The following SMAD2 variants were observed in gnomAD, a reference collection of about 807,000 sequenced individuals.
SMAD2 encodes the protein SMAD family member 2, also known as MAD homolog 2.
A neutral mutation model predicts 64.4 loss-of-function variants in SMAD2; 8 were observed. That is an observed-to-expected ratio of 0.12 (90% confidence interval 0.07 to 0.22). SMAD2 has a LOEUF of 0.22. Ranked by LOEUF, SMAD2 falls within the 10% of genes least tolerant of loss-of-function variation. The pLI is 1.00. For missense variants in SMAD2, 289 were observed against 561.2 expected, an observed-to-expected ratio of 0.51 and a Z score of 4.90; for synonymous variants, 203 against 195.8, an observed-to-expected ratio of 1.04 and a Z score of -0.31.
chr18:47,870,573 A>T lies in SMAD2; in HGVS notation c.237-9T>A. 1 of 1,598,822 alleles carries T rather than the reference A, an allele frequency of 6.3e-7. No homozygotes were observed. Among genetic ancestry groups the T allele is most frequent in the Non-Finnish European group, 8.6e-7 (1 of 1,166,206 alleles). ...AAATTTCAGAGCAAGTGCTGTGCAT[A>T]AATTGAAAAACAAAAAATTGATGTG... is the stretch of plus-strand genomic sequence containing the variant. On this transcript the variant is annotated splice_polypyrimidine_tract_variant and intron_variant, in intron 2 of 10. Coordinates refer to ENST00000262160, the MANE Select transcript of SMAD2 (RefSeq NM_005901.6).
Position 47,815,319 on chromosome 18 carries a change from G to A in SMAD2, c.*26508C>T, listed in dbSNP as rs1169807790. On this transcript the variant is annotated 3_prime_UTR_variant, in exon 11 of 11. Transcript: ENST00000262160. ...GAAATTGATGTGAAATGAAGGAACT[G>A]TAACTTCTTTTCTGCATGATCTGAG... is the stretch of plus-strand genomic sequence containing the variant. The A allele has an allele frequency of 2.0e-5, 3 of 152,212 alleles. No individual in the cohort carries two copies. The highest frequency in any genetic ancestry group is 4.4e-5 in the Non-Finnish European group (3 of 68,044). The allele number at this position is 152,212 out of a possible 1,614,324, so 9.4% of individuals were successfully genotyped here.
At chr18:47,906,356 A>G (rs2033903401) in intron 1 of SMAD2, among the ~76,000 whole-genome samples, 1 of 152,178 alleles carries the variant, frequency 6.6e-6, no homozygotes, top group African/African-American at 2.4e-5. Flanking sequence ...TGTGTATGTA[A>G]CATAAACCAA....
rs921831318 is a variant in SMAD2 at position 47,813,042 on chromosome 18, C to G, written c.*28785G>C. The G allele has an allele frequency of 2.0e-5, 3 of 152,038 alleles. No homozygotes were observed. Among genetic ancestry groups the G allele is most frequent in the African/African-American group, 7.2e-5 (3 of 41,386 alleles). 9.4% of individuals were successfully genotyped at this position (152,038 alleles called of 1,614,324 possible). ...ACCAGCCTGGCCAACATAGTGAAAC[C>G]CTGTCTCTACCAAAAATACAAAAAT... On this transcript the variant is annotated 3_prime_UTR_variant, in exon 11 of 11. Coordinates refer to ENST00000262160, the MANE Select transcript of SMAD2 (RefSeq NM_005901.6).
At chr18:47,900,336 A>G (rs1166095865) in intron 1 of SMAD2, among the ~76,000 whole-genome samples, 1 of 152,138 alleles carries the variant, frequency 6.6e-6, no homozygotes, top group Non-Finnish European at 1.5e-5. Context: ...CTGCCTACCC[A>G]TATTGAATGA....
At chr18:47,858,340 CATAT>C (rs1269497749) in intron 6 of SMAD2, among the ~76,000 whole-genome samples, 5 of 152,110 alleles carry the variant, frequency 3.3e-5, no homozygotes, top group Non-Finnish European at 5.9e-5. Flanking sequence ...GGGTCACATA[CATAT>C]TATCACTTGA....
intron 10 of SMAD2, 128 bp downstream of exon 10, chr18:47,845,212 T>A (rs1373865069): frequency 1.0e-6 from 1 of 1,003,540 alleles, no homozygotes; most frequent in South Asian, 1.3e-5. Flanking sequence ...CCAACTTTAT[T>A]TTACATAAAG....
rs1380754201 is a variant in SMAD2 at position 47,819,180 on chromosome 18, G to A, written c.*22647C>T. 6.6e-6 allele frequency: 1 copy of A among 152,080 alleles called. No homozygotes were observed. The highest frequency in any genetic ancestry group is 2.4e-5 in the African/African-American group (1 of 41,402). The allele number at this position is 152,080 out of a possible 1,614,324, so 9.4% of individuals were successfully genotyped here. On this transcript the variant is annotated 3_prime_UTR_variant, in exon 11 of 11. Coordinates refer to ENST00000262160, the MANE Select transcript of SMAD2 (RefSeq NM_005901.6). ...TGATAAGCTGGTTTTAAAATAATTG[G>A]TAAATCAAAAATAAGTGTCTTTAAA...
intron 1 of SMAD2, among the ~76,000 whole-genome samples, chr18:47,926,463 ATC>A (rs1190236184): frequency 6.6e-6 from 1 of 152,028 alleles, no homozygotes; most frequent in East Asian, 1.9e-4. Flanking sequence ...CCGAGCTGTT[ATC>A]TGTTTTTTCT....
At chr18:47,866,809 T>C (rs1393177611) in intron 5 of SMAD2, 3 of 152,188 alleles carry the variant, frequency 2.0e-5, no homozygotes, top group African/African-American at 7.2e-5. Flanking sequence ...CAAATGGGTA[T>C]AATCCACTTC....
At position 47,840,919 on chromosome 18, in the gene SMAD2, T is replaced by C. The variant is rs1158200524; in HGVS notation, c.*908A>G. The C allele has an allele frequency of 8.6e-6, 2 of 232,424 alleles. No homozygotes were observed. Among genetic ancestry groups the C allele is most frequent in the African/African-American group, 2.2e-5 (1 of 45,304 alleles). The allele number at this position is 232,424 out of a possible 1,614,324, so 14.4% of individuals were successfully genotyped here. On this transcript the variant is annotated 3_prime_UTR_variant, in exon 11 of 11. Coordinates refer to ENST00000262160, the MANE Select transcript of SMAD2 (RefSeq NM_005901.6). ...GATAAATCAACAGACTGCTAGATTA[T>C]ACAAGCCAATTATTCCTGTTGAAAT...
At chr18:47,898,686 T>C (rs2033550336) in intron 1 of SMAD2, among the ~76,000 whole-genome samples, 1 of 152,124 alleles carries the variant, frequency 6.6e-6, no homozygotes, top group Admixed American at 6.6e-5. Context: ...TATTCCCTCT[T>C]CTCAGGATGG....
At chr18:47,877,836 A>G (rs1255338639) in intron 2 of SMAD2, among the ~76,000 whole-genome samples, 1 of 152,210 alleles carries the variant, frequency 6.6e-6, no homozygotes, top group Non-Finnish European at 1.5e-5. Flanking sequence ...AATTGAAAAT[A>G]TAAAAGAAAT....
chr18:47,816,504 A>G lies in SMAD2; in HGVS notation c.*25323T>C, dbSNP rs1350584790. ...TTGGCACATTTAATACACGTCCAAT[A>G]TATTTTCTATGTACTGTGAAAGCTT... On this transcript the variant is annotated 3_prime_UTR_variant, in exon 11 of 11. Transcript: ENST00000262160. 1 of 152,200 alleles carries G rather than the reference A, an allele frequency of 6.6e-6. No homozygotes were observed. The highest frequency in any genetic ancestry group is 1.5e-5 in the Non-Finnish European group (1 of 68,044). The allele number at this position is 152,200 out of a possible 1,614,324, so 9.4% of individuals were successfully genotyped here.
At chr18:47,906,679 T>C (rs570010209) in intron 1 of SMAD2, among the ~76,000 whole-genome samples, 16 of 152,220 alleles carry the variant, frequency 1.1e-4, no homozygotes, top group Non-Finnish European at 2.1e-4. Context: ...GTCACAGTGT[T>C]GGCAGGACTG....
chr18:47,899,285 C>A (rs17741998), intron 1 of SMAD2, among the ~76,000 whole-genome samples: 83,192 of 151,820 alleles, frequency 0.55, 23,239 homozygotes, highest in East Asian at 0.82. Context: ...GAAGGAGGTG[C>A]CCGATAAGCA....
At chr18:47,925,896 C>T (rs910578005) in intron 1 of SMAD2, among the ~76,000 whole-genome samples, 1 of 152,142 alleles carries the variant, frequency 6.6e-6, no homozygotes, top group African/African-American at 2.4e-5. Flanking sequence ...AGTCAAGAAA[C>T]CCTCAACAGA....
At chr18:47,929,881 CAAGT>C (rs778957560) in intron 1 of SMAD2, among the ~76,000 whole-genome samples, 1 of 151,952 alleles carries the variant, frequency 6.6e-6, no homozygotes, top group Non-Finnish European at 1.5e-5. Flanking sequence ...ACAACTTTCA[CAAGT>C]GAGTGAAGGA....
At chr18:47,924,358 C>G in intron 1 of SMAD2, among the ~76,000 whole-genome samples, 1 of 151,980 alleles carries the variant, frequency 6.6e-6, no homozygotes. Flanking sequence ...ATAGTTCACT[C>G]AAGTCAAGGC....
chr18:47,902,142 T>A (rs1265102257), intron 1 of SMAD2, among the ~76,000 whole-genome samples: 1 of 152,180 alleles, frequency 6.6e-6, no homozygotes, highest in Admixed American at 6.5e-5. Flanking sequence ...ATATTTCCAA[T>A]CTGCCACTCA....
Sources: gnomAD v4.1 joint callset for allele counts (sites outside exome capture counted in the v4.1 genomes callset) on GRCh38, gnomAD v4.1.1 for gene constraint, MANE v1.5 for transcripts, NCBI Gene and HGNC (gene_info 2026-07-23, HGNC 2026-07-21) for gene names.